Variants in SMAD3 observed in about 807,000 individuals in gnomAD.
The protein encoded by SMAD3 is MAD homolog 3.
A neutral mutation model predicts 51.8 loss-of-function variants in SMAD3; 12 were observed. The observed-to-expected ratio is 0.23, with a 90% CI of 0.15 to 0.38. The LOEUF (loss-of-function observed/expected upper bound fraction) is 0.38. Among genes scored for constraint, SMAD3 ranks in the 10% least tolerant of loss-of-function variants. The probability of loss-of-function intolerance (pLI) is 1.00; values close to 1 mark genes in which losing one functional copy is unlikely to be tolerated. For synonymous variants in SMAD3, 238 were observed against 227.7 expected (o/e 1.05, Z -0.41); for missense variants, 294 against 565.6 (o/e 0.52, Z 4.87).
chr15:67,149,659 T>C (rs1866316), intron 1 of SMAD3, among the ~76,000 whole-genome samples: 53,732 of 151,912 alleles, frequency 0.35, 10,061 homozygotes, highest in African/African-American at 0.48. Flanking sequence ...GAACCTTTTT[T>C]TTTTTAGGTA....
chr15:67,108,378 C>G (rs1340916868), intron 1 of SMAD3, among the ~76,000 whole-genome samples: 2 of 152,092 alleles, frequency 1.3e-5, no homozygotes, highest in South Asian at 4.2e-4. Flanking sequence ...GCTTGCCTCC[C>G]CACCCTGTGC....
At chr15:67,121,317 A>G (rs1961256790) in intron 1 of SMAD3, among the ~76,000 whole-genome samples, 1 of 151,964 alleles carries the variant, frequency 6.6e-6, no homozygotes, top group Non-Finnish European at 1.5e-5. Flanking sequence ...GCCGGTGGGC[A>G]CTCCTGACAC....
At chr15:67,091,989 C>G (rs533776255) in intron 1 of SMAD3, among the ~76,000 whole-genome samples, 28 of 152,292 alleles carry the variant, frequency 1.8e-4, no homozygotes, top group Non-Finnish European at 3.4e-4. Context: ...GTTCCCAGAG[C>G]CCAGGGTTGG....
At chr15:67,168,614 G>A (rs1027265628) in intron 4 of SMAD3, among the ~76,000 whole-genome samples, 1 of 152,212 alleles carries the variant, frequency 6.6e-6, no homozygotes, top group Admixed American at 6.5e-5. Flanking sequence ...ATTGGAAAGA[G>A]CAGCCCAGAT....
chr15:67,100,299 C>T (rs1021279813), intron 1 of SMAD3, among the ~76,000 whole-genome samples: 1 of 151,922 alleles, frequency 6.6e-6, no homozygotes, highest in Admixed American at 6.6e-5. Flanking sequence ...GATTCCATTC[C>T]CATGCAGTAT....
chr15:67,092,304 T>C (rs1269987479), intron 1 of SMAD3, among the ~76,000 whole-genome samples: 2 of 152,166 alleles, frequency 1.3e-5, no homozygotes, highest in African/African-American at 4.8e-5. Context: ...TTTATCAGCA[T>C]TTTCTTATAT....
At chr15:67,155,714 C>T (rs964145435) in intron 1 of SMAD3, among the ~76,000 whole-genome samples, 1 of 152,124 alleles carries the variant, frequency 6.6e-6, no homozygotes, top group South Asian at 2.1e-4. Flanking sequence ...TTGGGCCAGT[C>T]GCGGTGGCTC....
At chr15:67,098,347 G>GAA (rs1555407141) in intron 1 of SMAD3, among the ~76,000 whole-genome samples, 1 of 142,572 alleles carries the variant, frequency 7.0e-6, no homozygotes, top group Non-Finnish European at 1.5e-5. Context: ...AGGGAGGGAG[G>GAA]GAGAGAGCGA....
In SMAD3 at chr15:67,137,264, C is replaced by T. The variant is rs113311935; in HGVS notation, c.207-27631C>T. The stretch of plus-strand genomic sequence containing the variant: ...TGGTTCACAGATATAAACACTTGAA[C>T]CAGGTGATATCAGCACTGCAAGTTG... On this transcript the variant is annotated intron_variant, in intron 1 of 8. Transcript: ENST00000327367. Among the ~76,000 whole-genome samples the T allele has an allele frequency of 4.0e-3, 608 of 152,294 alleles. 6 individuals are homozygous for T. The highest frequency in any genetic ancestry group is 0.014 in the African/African-American group (589 of 41,564).
At chr15:67,103,320 C>G (rs534456626) in intron 1 of SMAD3, among the ~76,000 whole-genome samples, 1 of 152,330 alleles carries the variant, frequency 6.6e-6, no homozygotes, top group Admixed American at 6.5e-5. Context: ...CTCCTTGGGA[C>G]TCACTTCACA....
chr15:67,173,474 C>G (rs974986210), intron 5 of SMAD3, among the ~76,000 whole-genome samples: 1 of 152,034 alleles, frequency 6.6e-6, no homozygotes, highest in Non-Finnish European at 1.5e-5. Flanking sequence ...CATTGCAGGT[C>G]CAAGGGCATT....
chr15:67,083,144 A>T (rs1960313575), intron 1 of SMAD3, among the ~76,000 whole-genome samples: 2 of 152,166 alleles, frequency 1.3e-5, no homozygotes, highest in African/African-American at 4.8e-5. Flanking sequence ...ATGAAACCAG[A>T]CGAAGTTGCC....
At chr15:67,087,533 A>G (rs1390207771) in intron 1 of SMAD3, among the ~76,000 whole-genome samples, 1 of 152,190 alleles carries the variant, frequency 6.6e-6, no homozygotes, top group Non-Finnish European at 1.5e-5. Context: ...GGGAGTGATT[A>G]TCTGTGCATC....
At chr15:67,077,550 G>A (rs560539334) in intron 1 of SMAD3, among the ~76,000 whole-genome samples, 1 of 152,104 alleles carries the variant, frequency 6.6e-6, no homozygotes, top group Non-Finnish European at 1.5e-5. Context: ...CTGCTCAGAG[G>A]CAAAAAAGGG....
At chr15:67,111,133 A>G (rs1468607188) in intron 1 of SMAD3, among the ~76,000 whole-genome samples, 3 of 152,180 alleles carry the variant, frequency 2.0e-5, no homozygotes, top group Non-Finnish European at 4.4e-5. Flanking sequence ...GAAACCTCAT[A>G]CCCATTAACA....
intron 1 of SMAD3, among the ~76,000 whole-genome samples, chr15:67,074,906 C>T (rs549340070): frequency 6.6e-6 from 1 of 152,220 alleles, no homozygotes; most frequent in East Asian, 1.9e-4. Context: ...TTAAGAAACA[C>T]TGTGTATGGC....
intron 1 of SMAD3, among the ~76,000 whole-genome samples, chr15:67,078,287 C>G (rs893110542): frequency 6.6e-6 from 1 of 152,158 alleles, no homozygotes; most frequent in African/African-American, 2.4e-5. Context: ...CAAGCACAGG[C>G]CCCCAAATTA....
intron 1 of SMAD3, among the ~76,000 whole-genome samples, chr15:67,102,178 C>T (rs1172643274): frequency 6.6e-6 from 1 of 151,888 alleles, no homozygotes; most frequent in Admixed American, 6.6e-5. Flanking sequence ...GGATAATTGA[C>T]CCAGTGAATC....
intron 1 of SMAD3, among the ~76,000 whole-genome samples, chr15:67,100,025 T>TA (rs1333182927): frequency 6.6e-6 from 1 of 151,712 alleles, no homozygotes; most frequent in African/African-American, 2.4e-5. Flanking sequence ...CTACTAAAAA[T>TA]ACAAAATTAG....
Sources: gnomAD v4.1 joint callset for allele counts (sites outside exome capture counted in the v4.1 genomes callset) on GRCh38, gnomAD v4.1.1 for gene constraint, MANE v1.5 for transcripts, NCBI Gene and HGNC (gene_info 2026-07-23, HGNC 2026-07-21) for gene names.